TENT4B: variants seen among roughly 807,000 people sequenced by gnomAD.
The protein encoded by TENT4B is PAP associated domain containing 5.
TENT4B carries 10 observed loss-of-function variants against 75.0 expected under a neutral mutation model. That is an observed-to-expected ratio of 0.13 (90% CI 0.08 to 0.23). The LOEUF is 0.23. Ranked by LOEUF, TENT4B falls within the 10% of genes least tolerant of loss-of-function variation. TENT4B has a pLI of 1.00. For missense variants in TENT4B, 579 were observed against 893.8 expected (o/e 0.65, Z 4.49); for synonymous variants, 350 against 357.7 (o/e 0.98, Z 0.24).
intron 1 of TENT4B, among the ~76,000 whole-genome samples, chr16:50,175,725 C>T (rs1008935212): frequency 1.3e-5 from 2 of 152,120 alleles, no homozygotes; most frequent in African/African-American, 2.4e-5. Flanking sequence ...CCGCCTCAGC[C>T]TCCCAAAGTG....
At chr16:50,158,486 G>A (rs965009815) in intron 1 of TENT4B, among the ~76,000 whole-genome samples, 1 of 152,104 alleles carries the variant, frequency 6.6e-6, no homozygotes, top group South Asian at 2.1e-4. Context: ...GCTGCTGCTT[G>A]TCCATGAAAA....
At chr16:50,227,033 T>C (rs1372585109) in intron 10 of TENT4B, among the ~76,000 whole-genome samples, 1 of 152,250 alleles carries the variant, frequency 6.6e-6, no homozygotes, top group Non-Finnish European at 1.5e-5. Flanking sequence ...ATTTGTAGTG[T>C]ACTGATTTGA....
At chr16:50,228,599 G>C (rs374365939) in intron 11 of TENT4B, among the ~76,000 whole-genome samples, 2 of 94,934 alleles carry the variant, frequency 2.1e-5, no homozygotes, top group East Asian at 7.1e-4. Context: ...GGGAACCTGG[G>C]AATAGGCCTC....
chr16:50,195,375 T>C (rs993121300), intron 1 of TENT4B, among the ~76,000 whole-genome samples: 1 of 152,202 alleles, frequency 6.6e-6, no homozygotes. Flanking sequence ...CTTGATTCTT[T>C]TGGAGAAATC....
intron 1 of TENT4B, among the ~76,000 whole-genome samples, 192 bp downstream of exon 1, chr16:50,154,451 C>G (rs1454411480): frequency 2.0e-5 from 3 of 152,020 alleles, no homozygotes; most frequent in Non-Finnish European, 4.4e-5. Flanking sequence ...CCTCCTTAGC[C>G]GTCCACACCC....
chr16:50,234,691 G>GT lies in TENT4B; in HGVS notation c.*5365dup. ...CCTAAAATAAATCACAAGCTTGTTT[G>GT]TTAGACGTGTCAAGAGTCTCCAGTC... is the stretch of plus-strand genomic sequence containing the variant. On this transcript the variant is annotated 3_prime_UTR_variant, in exon 12 of 12. Transcript: ENST00000561678. The GT allele has an allele frequency of 1.0e-6, 1 of 985,356 alleles. No homozygotes were observed. The highest frequency in any genetic ancestry group is 1.2e-6 in the Non-Finnish European group (1 of 829,918). 61.0% of individuals were successfully genotyped at this position (985,356 alleles called of 1,614,324 possible). A position where few individuals can be genotyped will look rare whatever the true frequency, so the allele number is the denominator to read the frequency against.
intron 2 of TENT4B, 91 bp from the exon 3 acceptor site, chr16:50,214,130 C>T: frequency 9.7e-7 from 1 of 1,031,102 alleles, no homozygotes; most frequent in Non-Finnish European, 1.5e-6. Flanking sequence ...TAGAGGGTAG[C>T]AAAAACTGAC....
chr16:50,154,027 T>C lies in TENT4B; in HGVS notation c.406T>C (p.Ser136Pro). The C allele has an allele frequency of 6.5e-7, 1 of 1,533,218 alleles. No individual in the cohort carries two copies. Among genetic ancestry groups the C allele is most frequent in the Non-Finnish European group, 8.7e-7 (1 of 1,145,808 alleles). 95.0% of individuals were successfully genotyped at this position (1,533,218 alleles called of 1,614,324 possible). A position where few individuals can be genotyped will look rare whatever the true frequency, so the allele number is the denominator to read the frequency against. Residue 136 changes from serine to proline, a missense_variant, in exon 1 of 12, where the codon TCC (serine) becomes CCC (proline). By Grantham distance (74) the Ser-to-Pro change is moderately conservative. Around this residue, in one of 7 missense-constraint regions of TENT4B, gnomAD observed 253 missense variants for 270.1 expected, o/e 0.94. Coordinates refer to ENST00000561678, the MANE Select transcript of TENT4B (RefSeq NM_001365324.3). ...GSSASSPPSASSSPHPSAAVP... is the reference protein window; with the variant it reads ...GSSASSPPSAPSSPHPSAAVP... The stretch of plus-strand genomic sequence containing the variant: ...CTCGGCGTCCTCGCCTCCCTCGGCG[T>C]CCTCGTCCCCGCACCCTTCGGCCGC...
chr16:50,175,503 T>C (rs991139626), intron 1 of TENT4B, among the ~76,000 whole-genome samples: 3 of 152,200 alleles, frequency 2.0e-5, no homozygotes, highest in Non-Finnish European at 2.9e-5. Context: ...TCTCTTTTTT[T>C]GAGATGGAGT....
At position 50,227,918 on chromosome 16, in the gene TENT4B, A is replaced by G; in HGVS notation, c.1880A>G (p.Asp627Gly). The G allele has an allele frequency of 1.2e-6, 2 of 1,614,054 alleles. No homozygotes were observed. Among genetic ancestry groups the G allele is most frequent in the Non-Finnish European group, 1.7e-6 (2 of 1,179,906 alleles). ...ACTGGGAACCGAGTAGGGTCGCAAG[A>G]TGTATCCTTGGAGTCCTCTCAGGCA... ...PSTGNRVGSQ[D>G]VSLESSQAVG... is the part of the protein sequence containing the mutation. Residue 627 changes from aspartate to glycine, a missense_variant, in exon 11 of 12, where the codon GAT becomes GGT. By Grantham distance (94) the Asp-to-Gly change is moderately conservative. Around this residue, in one of 7 missense-constraint regions of TENT4B, gnomAD observed 164 missense variants for 226.5 expected, o/e 0.72. Coordinates refer to ENST00000561678, the MANE Select transcript of TENT4B (RefSeq NM_001365324.3).
upstream of TENT4B, among the ~76,000 whole-genome samples, chr16:50,153,205 A>T (rs996797831): frequency 1.6e-4 from 5 of 30,318 alleles, no homozygotes; most frequent in East Asian, 9.2e-4. Flanking sequence ...GCGGAGCGAG[A>T]GGGGCGGAGC....
chr16:50,203,791 C>G (rs1437009190), intron 1 of TENT4B, among the ~76,000 whole-genome samples: 1 of 152,184 alleles, frequency 6.6e-6, no homozygotes, highest in Non-Finnish European at 1.5e-5. Context: ...GAAGGTCCCT[C>G]CCTAAGGAGG....
Position 50,219,263 on chromosome 16 carries a change from T to C in TENT4B, c.1038+1600T>C, listed in dbSNP as rs564278030. On this transcript the variant is annotated intron_variant, in intron 5 of 11. Transcript: ENST00000561678. ...TTACAGAATTTCTCATTGCCAATTATTGTTTTTTGCGTTGCTTTTTTATGT... is the reference window on the plus strand; with the variant it reads ...TTACAGAATTTCTCATTGCCAATTACTGTTTTTTGCGTTGCTTTTTTATGT... 2.8e-4 allele frequency among the ~76,000 whole-genome samples: 43 copies of C among 152,354 alleles called. No individual in the cohort carries two copies. The South Asian group carries it at 6.6e-3, about 23-fold the overall frequency.
intron 1 of TENT4B, among the ~76,000 whole-genome samples, chr16:50,200,755 C>G (rs1452205519): frequency 6.6e-6 from 1 of 151,248 alleles, no homozygotes; most frequent in Non-Finnish European, 1.5e-5. Context: ...AGTTCTTTGT[C>G]TATTTTGAAT....
Position 50,153,762 on chromosome 16 carries a change from C to A in TENT4B, c.141C>A (p.Gly47=). The part of the protein sequence containing the change: ...HHCHSSGGAS[G]GGGSSSSSST... ...GTCACAGCAGCGGCGGCGCGAGCGGCGGCGGCGGCAGCAGCAGCAGCAGCA... is the reference window on the plus strand; with the variant it reads ...GTCACAGCAGCGGCGGCGCGAGCGGAGGCGGCGGCAGCAGCAGCAGCAGCA... Residue 47 remains glycine (G), a synonymous_variant, in exon 1 of 12, where the codon GGC becomes GGA. Coordinates refer to ENST00000561678, the MANE Select transcript of TENT4B (RefSeq NM_001365324.3). The A allele has an allele frequency of 9.2e-7, 1 of 1,089,496 alleles. No homozygotes were observed. 67.5% of individuals were successfully genotyped at this position (1,089,496 alleles called of 1,614,324 possible).
intron 10 of TENT4B, among the ~76,000 whole-genome samples, chr16:50,226,246 C>G (rs1440274732): frequency 6.6e-6 from 1 of 152,190 alleles, no homozygotes. Flanking sequence ...AGAGATCCAC[C>G]CGCCTCAGCC....
intron 1 of TENT4B, among the ~76,000 whole-genome samples, chr16:50,196,579 A>G (rs1284097730): frequency 6.6e-6 from 1 of 152,128 alleles, no homozygotes; most frequent in African/African-American, 2.4e-5. Context: ...TCTGCAAAAA[A>G]TACAATAGAT....
chr16:50,191,146 G>T (rs551506586), intron 1 of TENT4B, among the ~76,000 whole-genome samples: 22 of 150,658 alleles, frequency 1.5e-4, no homozygotes, highest in African/African-American at 5.5e-4. Context: ...TTACCTATCG[G>T]CTGTCTTGAA....
chr16:50,234,949 G>A lies in TENT4B; in HGVS notation c.*5621G>A, dbSNP rs1176043357. The A allele has an allele frequency of 1.0e-6, 1 of 985,728 alleles. No individual in the cohort carries two copies. The highest frequency in any genetic ancestry group is 1.2e-6 in the Non-Finnish European group (1 of 829,914). 61.1% of individuals were successfully genotyped at this position (985,728 alleles called of 1,614,324 possible). On this transcript the variant is annotated 3_prime_UTR_variant, in exon 12 of 12. Coordinates refer to ENST00000561678, the MANE Select transcript of TENT4B (RefSeq NM_001365324.3). The stretch of plus-strand genomic sequence containing the variant: ...AGCATTGTCTTCAGTGTTAAGAAAT[G>A]TGGACTCCTGTGAGGTGCTGGAGGT...
Sources: gnomAD v4.1 joint callset for allele counts (sites outside exome capture counted in the v4.1 genomes callset) on GRCh38, gnomAD v4.1.1 for gene constraint, gnomAD v4.1.1 regional missense constraint, MANE v1.5 for transcripts, NCBI Gene and HGNC (gene_info 2026-07-23, HGNC 2026-07-21) for gene names.